The following SEMA5A variants were observed in gnomAD, a reference collection of about 807,000 sequenced individuals.
SEMA5A encodes semaphorin-5A.
In SEMA5A, 55 loss-of-function variants were observed where a neutral mutation model predicts 135.5. The observed-to-expected ratio is 0.41, with a 90% CI of 0.33 to 0.51. The LOEUF is 0.51. Ranked by LOEUF, SEMA5A falls within the 20% of genes least tolerant of loss-of-function variation. The pLI, the probability that SEMA5A is intolerant of heterozygous loss-of-function variation, is 0.37. For missense variants in SEMA5A, 1,290 were observed against 1,419.9 expected (o/e 0.91, Z 1.47); for synonymous variants, 580 against 546.5 (o/e 1.06, Z -0.85).
chr5:9,119,952 TAATTC>T lies in SEMA5A; in HGVS notation c.1782-816_1782-812del, dbSNP rs142780452. Among the ~76,000 whole-genome samples, 955 of 152,242 alleles carry T rather than the reference TAATTC, an allele frequency of 6.3e-3. 17 individuals are homozygous for T. The highest frequency in any genetic ancestry group is 0.051 in the East Asian group (262 of 5,188). ...GATGAACCAATTTAAAAAATTTTTT[TAATTC>T]TATTGACAGCTCTAGAAATGTTTTA... On this transcript the variant is annotated intron_variant, in intron 14 of 22. Coordinates refer to ENST00000382496, the MANE Select transcript of SEMA5A (RefSeq NM_003966.3).
intron 1 of SEMA5A, among the ~76,000 whole-genome samples, chr5:9,543,270 T>C (rs1229817421): frequency 6.6e-6 from 1 of 152,222 alleles, no homozygotes; most frequent in East Asian, 1.9e-4. Context: ...AGAAGGCCCA[T>C]GACTCTAAAA....
intron 1 of SEMA5A, among the ~76,000 whole-genome samples, chr5:9,486,769 A>C (rs1259697442): frequency 1.3e-5 from 2 of 152,236 alleles, no homozygotes; most frequent in Non-Finnish European, 2.9e-5. Flanking sequence ...ACAGATGATG[A>C]GAAAATCTGA....
chr5:9,391,039 C>T (rs1224528875), intron 2 of SEMA5A: 6 of 152,200 alleles, frequency 3.9e-5, no homozygotes, highest in Non-Finnish European at 7.3e-5. Context: ...TTGCTGTCCT[C>T]TCACTTCTAC....
chr5:9,381,969 TGTGTGTGTGTGTGC>T (rs1309948057), intron 2 of SEMA5A, among the ~76,000 whole-genome samples: 1,380 of 130,342 alleles, frequency 0.011, 18 homozygotes, highest in African/African-American at 0.041. Context: ...TGTGTGTGTG[TGTGTGTGTGTGTGC>T]GCGCGCGCGC....
At chr5:9,235,427 C>T (rs2526115) in intron 6 of SEMA5A, among the ~76,000 whole-genome samples, 9 of 151,966 alleles carry the variant, frequency 5.9e-5, no homozygotes, top group African/African-American at 2.2e-4. Context: ...CATGTCAAAG[C>T]ATAATCTGGC....
intron 15 of SEMA5A, among the ~76,000 whole-genome samples, chr5:9,110,844 G>C (rs1400866245): frequency 6.6e-6 from 1 of 152,134 alleles, no homozygotes; most frequent in East Asian, 1.9e-4. Flanking sequence ...AGTCTCCCAG[G>C]GTCCTATTCT....
intron 15 of SEMA5A, among the ~76,000 whole-genome samples, chr5:9,117,062 A>C (rs1462372577): frequency 6.6e-6 from 1 of 152,338 alleles, no homozygotes; most frequent in East Asian, 1.9e-4. Flanking sequence ...GTTTTCCTCC[A>C]TTGAGCAAAT....
intron 2 of SEMA5A, among the ~76,000 whole-genome samples, chr5:9,402,403 G>T (rs1230283045): frequency 6.6e-6 from 1 of 152,222 alleles, no homozygotes; most frequent in African/African-American, 2.4e-5. Flanking sequence ...TCACACAGAT[G>T]TGAGTTTGAA....
At chr5:9,268,175 T>A (rs116210695) in intron 5 of SEMA5A, among the ~76,000 whole-genome samples, 1,556 of 152,262 alleles carry the variant, frequency 0.01, 28 homozygotes, top group African/African-American at 0.036. Context: ...CCCTTGAAAA[T>A]TTTTTATTGG....
intron 15 of SEMA5A, 28 bp downstream of exon 15, chr5:9,118,970 C>T (rs1279728658): frequency 6.2e-7 from 1 of 1,606,392 alleles, no homozygotes; most frequent in Admixed American, 1.7e-5. Context: ...GTGAGGCTGG[C>T]GGTGCTGGCA....
chr5:9,158,669 C>T (rs936642042), intron 11 of SEMA5A, among the ~76,000 whole-genome samples: 2 of 152,080 alleles, frequency 1.3e-5, no homozygotes, highest in Non-Finnish European at 2.9e-5. Context: ...GTGAAAATGT[C>T]CCCTACTCAT....
At chr5:9,290,415 C>G (rs973992397) in intron 5 of SEMA5A, among the ~76,000 whole-genome samples, 2 of 152,120 alleles carry the variant, frequency 1.3e-5, no homozygotes, top group East Asian at 1.9e-4. Context: ...TATATATACA[C>G]TACATTTTCT....
At chr5:9,305,694 CTG>C (rs888490559) in intron 5 of SEMA5A, among the ~76,000 whole-genome samples, 10 of 104,650 alleles carry the variant, frequency 9.6e-5, no homozygotes, top group African/African-American at 3.5e-4. Context: ...AGTATATATA[CTG>C]TGTGTGTGTG....
At chr5:9,384,667 TAGATAGATATAGATAG>T (rs1352660570) in intron 2 of SEMA5A, among the ~76,000 whole-genome samples, 7 of 113,460 alleles carry the variant, frequency 6.2e-5, no homozygotes, top group African/African-American at 2.5e-4. Flanking sequence ...TAGATATAGA[TAGATAGATATAGATAG>T]ATAGATAGAT....
chr5:9,545,510 AGCGGCGCGGC>A lies in SEMA5A; in HGVS notation c.-175+64_-175+73del, dbSNP rs545546956. The A allele has an allele frequency of 0.015, 2,257 of 152,086 alleles. 31 individuals carry two copies. Among genetic ancestry groups the A allele is most frequent in the South Asian group, 0.031 (148 of 4,800 alleles). 9.4% of individuals were successfully genotyped at this position (152,086 alleles called of 1,614,324 possible). A position where few individuals can be genotyped will look rare whatever the true frequency, so the allele number is the denominator to read the frequency against. Reference sequence around the variant, plus strand: ...CCGCTGCAGTCCCCGGGTCCCGGCCAGCGGCGCGGCGCGGCGCGGCGCGGTCAGGGGCTCC... The same window carrying A: ...CCGCTGCAGTCCCCGGGTCCCGGCCAGCGGCGCGGCGCGGTCAGGGGCTCC... On this transcript the variant is annotated intron_variant, in intron 1 of 22. Transcript: ENST00000382496. The surrounding 1 kb of genome is among the most constrained non-coding windows in gnomAD (Gnocchi z 4.5).
intron 1 of SEMA5A, among the ~76,000 whole-genome samples, chr5:9,511,116 C>T (rs1356789615): frequency 6.6e-6 from 1 of 152,146 alleles, no homozygotes; most frequent in Non-Finnish European, 1.5e-5. Context: ...TATACTCATT[C>T]AAACCCTATG....
intron 11 of SEMA5A, 150 bp downstream of exon 11, chr5:9,190,117 G>T: frequency 1.4e-6 from 1 of 699,156 alleles, no homozygotes; most frequent in Non-Finnish European, 2.4e-6. Context: ...AGAGGCTGAG[G>T]AAGATAAGTG....
chr5:9,495,892 G>A (rs1735277064), intron 1 of SEMA5A, among the ~76,000 whole-genome samples: 1 of 152,090 alleles, frequency 6.6e-6, no homozygotes, highest in Admixed American at 6.6e-5. Flanking sequence ...CTGATCGACT[G>A]AATACTCATT....
rs202037299 is a variant in SEMA5A at position 9,474,536 on chromosome 5, CAT to C, written c.-174-36686_-174-36685del. 1.0e-3 allele frequency among the ~76,000 whole-genome samples: 154 copies of C among 151,940 alleles called. 1 individual carries two copies. The highest frequency in any genetic ancestry group is 9.2e-3 in the Admixed American group (141 of 15,266). ...GGTATTTCATCTGAAAGAGTCTACA[CAT>C]GTTTTAAAGATTTATCCATTCACTA... On this transcript the variant is annotated intron_variant, in intron 1 of 22. Coordinates refer to ENST00000382496, the MANE Select transcript of SEMA5A (RefSeq NM_003966.3).
Sources: gnomAD v4.1 joint callset for allele counts (sites outside exome capture counted in the v4.1 genomes callset) on GRCh38, gnomAD v4.1.1 for gene constraint, Gnocchi (gnomAD v3.1) non-coding constraint, MANE v1.5 for transcripts, NCBI Gene and HGNC (gene_info 2026-07-23, HGNC 2026-07-21) for gene names.